The following CDH4 variants were observed in gnomAD, a reference collection of about 807,000 sequenced individuals.
The protein encoded by CDH4 is cadherin 4, also known as cadherin-4.
Under a neutral mutation model 86.0 loss-of-function variants are expected in CDH4, and 33 were observed. The ratio of observed to expected loss-of-function variants is 0.38; its 90% CI spans 0.29 to 0.51. The LOEUF (loss-of-function observed/expected upper bound fraction) is 0.51. Among genes scored for constraint, CDH4 ranks in the 20% least tolerant of loss-of-function variants. The pLI is 0.86. For synonymous variants in CDH4, 555 were observed against 549.4 expected (o/e 1.01, Z -0.14); for missense variants, 1,114 against 1,307.4 (o/e 0.85, Z 2.28).
chr20:61,859,417 A>G (rs1983216714), intron 6 of CDH4, among the ~76,000 whole-genome samples: 1 of 152,182 alleles, frequency 6.6e-6, no homozygotes, highest in South Asian at 2.1e-4. Flanking sequence ...CAGTTTATCC[A>G]TGCTTCCTCT....
intron 4 of CDH4, among the ~76,000 whole-genome samples, chr20:61,801,323 C>T (rs145213950): frequency 0.012 from 1,882 of 152,212 alleles, 33 homozygotes; most frequent in African/African-American, 0.043. Flanking sequence ...ATCAGCCAAG[C>T]GTCTCTCTAG....
rs564200973 is a variant in CDH4 at position 61,910,287 on chromosome 20, T to G, written c.1189-135T>G. 1,250 of 741,410 alleles carry G rather than the reference T, an allele frequency of 1.7e-3. 3 individuals are homozygous for G. The highest frequency in any genetic ancestry group is 2.5e-3 in the Non-Finnish European group (1,097 of 438,436). 45.9% of individuals were successfully genotyped at this position (741,410 alleles called of 1,614,324 possible). ...GGGCTGACACGGTGTGTTCTGTTTG[T>G]GAACACTCGAGCTGGGCTGACACGG... On this transcript the variant is annotated intron_variant, in intron 8 of 15. Transcript: ENST00000614565.
At chr20:61,928,138 G>A (rs561426421) in intron 11 of CDH4, 52 bp from the exon 12 acceptor site, 3 of 1,361,860 alleles carry the variant, frequency 2.2e-6, no homozygotes, top group East Asian at 4.6e-5. Flanking sequence ...GCTGTGGGTT[G>A]GTCATGGAGT....
chr20:61,619,511 C>T (rs1489278192), intron 2 of CDH4, among the ~76,000 whole-genome samples: 1 of 152,186 alleles, frequency 6.6e-6, no homozygotes, highest in Non-Finnish European at 1.5e-5. Context: ...GTGAGAGCTT[C>T]AGTAGATGTG....
chr20:61,598,048 C>A (rs1434924751), intron 2 of CDH4, among the ~76,000 whole-genome samples: 1 of 152,354 alleles, frequency 6.6e-6, no homozygotes, highest in East Asian at 1.9e-4. Context: ...AAATCCCAAG[C>A]CCCTTCCCAC....
chr20:61,671,503 AAAAG>A (rs1166896191), intron 2 of CDH4, among the ~76,000 whole-genome samples: 1 of 152,076 alleles, frequency 6.6e-6, no homozygotes, highest in African/African-American at 2.4e-5. Flanking sequence ...CTCTAGAAAA[AAAAG>A]AATAAGTGGA....
chr20:61,500,340 G>A (rs370807878), intron 2 of CDH4, among the ~76,000 whole-genome samples: 16 of 152,248 alleles, frequency 1.1e-4, no homozygotes, highest in Admixed American at 5.2e-4. Flanking sequence ...GCTCACTCGC[G>A]TTCGGAATTG....
At chr20:61,428,106 G>A (rs1006496056) in intron 2 of CDH4, among the ~76,000 whole-genome samples, 10 of 152,188 alleles carry the variant, frequency 6.6e-5, no homozygotes, top group African/African-American at 2.4e-4. Context: ...GGAAGCAGCT[G>A]CTGAAAAGTG....
chr20:61,524,832 A>G (rs563298999), intron 2 of CDH4, among the ~76,000 whole-genome samples: 1 of 152,280 alleles, frequency 6.6e-6, no homozygotes, highest in Non-Finnish European at 1.5e-5. Context: ...TTCCATTCTC[A>G]TTCATTAGAT....
At chr20:61,415,849 G>A (rs1024271741) in intron 2 of CDH4, among the ~76,000 whole-genome samples, 46 of 151,956 alleles carry the variant, frequency 3.0e-4, no homozygotes, top group South Asian at 8.3e-4. Flanking sequence ...ACAGGTGTGC[G>A]CCACCATGCC....
chr20:61,292,284 A>G (rs1054391615), intron 2 of CDH4, among the ~76,000 whole-genome samples: 1 of 152,264 alleles, frequency 6.6e-6, no homozygotes, highest in African/African-American at 2.4e-5. Flanking sequence ...GATATACACC[A>G]TGGAATATTA....
chr20:61,933,173 G>A lies in CDH4; in HGVS notation c.2379+49G>A, dbSNP rs777670909. 55 of 1,588,950 alleles carry A rather than the reference G, an allele frequency of 3.5e-5. No homozygotes were observed. The East Asian group carries it at 3.6e-4, about 10-fold the overall frequency. On this transcript the variant is annotated intron_variant, in intron 14 of 15. Coordinates refer to ENST00000614565, the MANE Select transcript of CDH4 (RefSeq NM_001794.5). ...CTCCCCACGCGAGGCCGGCTCTCACGTGTACTAGTGTCTCAGCAGGGATTG... is the reference window on the plus strand; with the variant it reads ...CTCCCCACGCGAGGCCGGCTCTCACATGTACTAGTGTCTCAGCAGGGATTG...
At chr20:61,734,010 C>T (rs555558926) in intron 2 of CDH4, among the ~76,000 whole-genome samples, 1 of 152,338 alleles carries the variant, frequency 6.6e-6, no homozygotes, top group South Asian at 2.1e-4. Flanking sequence ...TGGTTCCCAG[C>T]GCAGGCTGTC....
chr20:61,433,174 C>A (rs368597819), intron 2 of CDH4, among the ~76,000 whole-genome samples: 1 of 152,110 alleles, frequency 6.6e-6, no homozygotes, highest in Admixed American at 6.6e-5. Context: ...GTTTGATGTG[C>A]GTGAAGGGTC....
intron 2 of CDH4, among the ~76,000 whole-genome samples, chr20:61,725,947 A>G (rs1424994469): frequency 6.6e-6 from 1 of 152,188 alleles, no homozygotes; most frequent in Non-Finnish European, 1.5e-5. Flanking sequence ...TTGTGTTTGA[A>G]AGGATCCACC....
At chr20:61,383,975 G>C (rs28489323) in intron 2 of CDH4, among the ~76,000 whole-genome samples, 1 of 142,964 alleles carries the variant, frequency 7.0e-6, no homozygotes, top group Non-Finnish European at 1.5e-5. Flanking sequence ...GAGCCAGTTC[G>C]AGTTCCAAAA....
At chr20:61,429,058 G>A (rs954492876) in intron 2 of CDH4, among the ~76,000 whole-genome samples, 1 of 143,540 alleles carries the variant, frequency 7.0e-6, no homozygotes, top group Non-Finnish European at 1.6e-5. Flanking sequence ...CGAAGATGAC[G>A]GTAACTTATG....
At chr20:61,893,357 GTGGGTGAATAGAGGGATAAATGGATGGA>G (rs1195910165) in intron 7 of CDH4, among the ~76,000 whole-genome samples, 3 of 135,468 alleles carry the variant, frequency 2.2e-5, no homozygotes, top group Non-Finnish European at 3.2e-5. Context: ...AAATGAATGG[GTGGGTGAATAGAGGGATAAATGGATGGA>G]TGGGTGAATA....
At chr20:61,317,538 A>C (rs571611795) in intron 2 of CDH4, among the ~76,000 whole-genome samples, 1 of 152,006 alleles carries the variant, frequency 6.6e-6, no homozygotes. Flanking sequence ...TGCATTCACC[A>C]TTGCTCCAGA....
Sources: gnomAD v4.1 joint callset for allele counts (sites outside exome capture counted in the v4.1 genomes callset) on GRCh38, gnomAD v4.1.1 for gene constraint, MANE v1.5 for transcripts, NCBI Gene and HGNC (gene_info 2026-07-23, HGNC 2026-07-21) for gene names.